The following GGA2 variants were observed in gnomAD, a reference collection of about 807,000 sequenced individuals.
GGA2 encodes the protein ADP-ribosylation factor-binding protein GGA2.
GGA2 carries 48 observed loss-of-function variants against 79.5 expected under a neutral mutation model. The observed-to-expected ratio is 0.60, with a 90% CI of 0.48 to 0.77. The LOEUF is 0.77. GGA2 is among the 30% of genes least tolerant of loss of function. GGA2 has a pLI of 0.00. For synonymous variants in GGA2, 317 were observed against 302.0 expected (o/e 1.05, Z -0.51); for missense variants, 770 against 774.0 (o/e 0.99, Z 0.06).
chr16:23,490,716 C>T lies in GGA2; in HGVS notation c.475+961G>A, dbSNP rs562810747. ...CCCCACTGCACTCCAGCCTGGGCAA[C>T]AGAGTGAGACTCTGTCTCAAAAGAA... On this transcript the variant is annotated intron_variant, in intron 5 of 16. Coordinates refer to ENST00000309859, the MANE Select transcript of GGA2 (RefSeq NM_015044.4). Among the ~76,000 whole-genome samples the T allele has an allele frequency of 4.8e-5, 7 of 145,258 alleles. No individual in the cohort carries two copies. The South Asian group carries it at 1.5e-3, about 31-fold the overall frequency.
At chr16:23,473,276 A>T (rs1964536563) in intron 14 of GGA2, among the ~76,000 whole-genome samples, 1 of 150,798 alleles carries the variant, frequency 6.6e-6, no homozygotes. Context: ...TCAAGACATG[A>T]AGAGAATTTC....
chr16:23,485,515 A>G (rs1245345691), intron 8 of GGA2, among the ~76,000 whole-genome samples: 4 of 152,210 alleles, frequency 2.6e-5, no homozygotes, highest in Admixed American at 2.0e-4. Flanking sequence ...TAGTAATCCC[A>G]GACATTTACC....
intron 2 of GGA2, among the ~76,000 whole-genome samples, chr16:23,519,329 C>T (rs191811725): frequency 1.3e-5 from 2 of 152,244 alleles, no homozygotes; most frequent in East Asian, 1.9e-4. Flanking sequence ...ATGCATGAGC[C>T]GCCGTGCCCA....
upstream of GGA2, among the ~76,000 whole-genome samples, chr16:23,513,975 C>CT: frequency 6.6e-6 from 1 of 152,222 alleles, no homozygotes. Flanking sequence ...CCACCTAAGT[C>CT]TAATAGATCA....
intron 1 of GGA2, among the ~76,000 whole-genome samples, chr16:23,520,617 C>G (rs1965133743): frequency 6.6e-6 from 1 of 150,868 alleles, no homozygotes; most frequent in Non-Finnish European, 1.5e-5. Context: ...AATTGTGCCA[C>G]TGCACTCCAG....
chr16:23,486,273 G>C, intron 7 of GGA2, 121 bp from the exon 8 acceptor site: 5 of 815,832 alleles, frequency 6.1e-6, no homozygotes, highest in Non-Finnish European at 1.0e-5. Flanking sequence ...AGGATGTTAA[G>C]TGCATGGGAG....
chr16:23,505,113 T>A (rs1471847600), intron 1 of GGA2, among the ~76,000 whole-genome samples: 1 of 152,180 alleles, frequency 6.6e-6, no homozygotes, highest in African/African-American at 2.4e-5. Flanking sequence ...GCAGGGGGAC[T>A]CCTTCCCTGG....
chr16:23,463,804 G>A lies in GGA2; in HGVS notation c.*3786C>T, dbSNP rs1964402030. On this transcript the variant is annotated 3_prime_UTR_variant, in exon 17 of 17. Coordinates refer to ENST00000309859, the MANE Select transcript of GGA2 (RefSeq NM_015044.4). ...GGTAACACAGAGATCCAGTCTTTAC[G>A]AAAAACTGCAACATTAGCTGGGCGT... 1.3e-5 allele frequency: 2 copies of A among 152,140 alleles called. No individual in the cohort carries two copies. The highest frequency in any genetic ancestry group is 2.4e-5 in the African/African-American group (1 of 41,428). 9.4% of individuals were successfully genotyped at this position (152,140 alleles called of 1,614,324 possible). A position where few individuals can be genotyped will look rare whatever the true frequency, so the allele number is the denominator to read the frequency against.
chr16:23,493,127 A>G (rs1423846134), intron 4 of GGA2, among the ~76,000 whole-genome samples: 2 of 152,210 alleles, frequency 1.3e-5, no homozygotes, highest in African/African-American at 4.8e-5. Context: ...CCTCTAGGCC[A>G]CACGTTCCCC....
Position 23,517,079 on chromosome 16 carries a change from A to G in GGA2, c.61+2508T>C, listed in dbSNP as rs543905294. Among the ~76,000 whole-genome samples the G allele has an allele frequency of 3.9e-5, 6 of 152,282 alleles. No homozygotes were observed. In the South Asian group the frequency reaches 1.2e-3, roughly 32 times the overall value. On this transcript the variant is annotated intron_variant, in intron 2 of 5. Transcript: ENST00000569300. ...TAAGTACGATAATAAATCTTATTTA[A>G]GATTTATTGCTCTCTTGCCTAGGCT...
At chr16:23,516,711 C>T (rs1965105489) in intron 2 of GGA2, among the ~76,000 whole-genome samples, 2 of 152,170 alleles carry the variant, frequency 1.3e-5, no homozygotes, top group African/African-American at 4.8e-5. Context: ...TGGCCATGCA[C>T]CTCAGGGACA....
intron 8 of GGA2, among the ~76,000 whole-genome samples, chr16:23,483,382 T>C (rs1192702368): frequency 6.6e-6 from 1 of 152,150 alleles, no homozygotes; most frequent in Admixed American, 6.5e-5. Flanking sequence ...TAATCCCAGC[T>C]ACTCGGGAGG....
At chr16:23,475,507 A>C (rs1266481968) in intron 13 of GGA2, among the ~76,000 whole-genome samples, 2 of 152,020 alleles carry the variant, frequency 1.3e-5, no homozygotes, top group Non-Finnish European at 2.9e-5. Flanking sequence ...ACTTTTGTCA[A>C]GTAATCGAAC....
At chr16:23,494,182 G>A (rs1964825112) in intron 3 of GGA2, 121 bp downstream of exon 3, 1 of 729,324 alleles carries the variant, frequency 1.4e-6, no homozygotes, top group East Asian at 2.5e-5. Context: ...TGCTGTGAAG[G>A]TAAACCTCTC....
In GGA2 at chr16:23,466,090, T is replaced by C. The variant is rs1964433848; in HGVS notation, c.*1500A>G. 6.6e-6 allele frequency: 1 copy of C among 152,260 alleles called. No homozygotes were observed. Among genetic ancestry groups the C allele is most frequent in the African/African-American group, 2.4e-5 (1 of 41,460 alleles). The allele number at this position is 152,260 out of a possible 1,614,324, so 9.4% of individuals were successfully genotyped here. A position where few individuals can be genotyped will look rare whatever the true frequency, so the allele number is the denominator to read the frequency against. ...TGCTTAAAATTAGCATACTTGATCT[T>C]TTACAGTTCCCATCTCCACCAATTA... On this transcript the variant is annotated 3_prime_UTR_variant, in exon 17 of 17. Coordinates refer to ENST00000309859, the MANE Select transcript of GGA2 (RefSeq NM_015044.4).
chr16:23,473,494 A>G (rs1964540712), intron 14 of GGA2, among the ~76,000 whole-genome samples: 2 of 151,518 alleles, frequency 1.3e-5, no homozygotes, highest in Admixed American at 1.3e-4. Flanking sequence ...ACATTACCAC[A>G]CCCAGCTAAT....
At chr16:23,519,598 G>T in exon 2 of GGA2, 1 of 425,818 alleles carries the variant, frequency 2.3e-6, no homozygotes, top group Non-Finnish European at 4.7e-6. Flanking sequence ...TTCAGGGCTA[G>T]GGCAGCTGTT....
At chr16:23,473,736 A>C (rs753079576) in intron 14 of GGA2, among the ~76,000 whole-genome samples, 10 of 152,224 alleles carry the variant, frequency 6.6e-5, no homozygotes, top group African/African-American at 9.6e-5. Flanking sequence ...AAAAGTTATA[A>C]AACTAATACA....
chr16:23,489,975 C>T (rs953340660), intron 5 of GGA2, among the ~76,000 whole-genome samples: 2 of 152,172 alleles, frequency 1.3e-5, no homozygotes, highest in African/African-American at 4.8e-5. Context: ...ACAAACAGAT[C>T]CTACCAAGAC....
Sources: allele counts gnomAD v4.1 joint callset (sites outside exome capture counted in the v4.1 genomes callset), GRCh38; gene constraint gnomAD v4.1.1; transcripts MANE v1.5; gene names NCBI Gene and HGNC (gene_info 2026-07-23, HGNC 2026-07-21).